The following SCN2A variants were observed in gnomAD, a reference collection of about 807,000 sequenced individuals.
SCN2A encodes the protein sodium voltage-gated channel alpha subunit 2.
A neutral mutation model predicts 188.7 loss-of-function variants in SCN2A; 20 were observed. That is an observed-to-expected ratio of 0.11 (90% CI 0.07 to 0.15). The LOEUF is 0.15. Ranked by LOEUF, SCN2A falls within the 10% of genes least tolerant of loss-of-function variation. The pLI, the probability that SCN2A is intolerant of heterozygous loss-of-function variation, is 1.00. For missense variants in SCN2A, 1,278 were observed against 2,445.0 expected (o/e 0.52, Z 10.07); for synonymous variants, 804 against 833.1 (o/e 0.97, Z 0.60).
At chr2:165,305,022 A>G (rs967901967) in intron 3 of SCN2A, among the ~76,000 whole-genome samples, 8 of 152,234 alleles carry the variant, frequency 5.3e-5, no homozygotes, top group African/African-American at 1.9e-4. Flanking sequence ...ATCTAGATGG[A>G]CTATTAGATT....
Position 165,303,566 on chromosome 2 carries a change from C to A in SCN2A, c.387-4282C>A, listed in dbSNP as rs868306827. ...CTGGGATTACAGGCGTGAGCCACCG[C>A]GCCTGGCCATATTTGAGTATTTTTA... On this transcript the variant is annotated intron_variant, in intron 3 of 26. Transcript: ENST00000375437. Among the ~76,000 whole-genome samples the A allele has an allele frequency of 2.0e-4, 31 of 152,152 alleles. 1 individual carries two copies. The highest frequency in any genetic ancestry group is 4.1e-4 in the South Asian group (2 of 4,820).
At chr2:165,288,086 G>A (rs577800795) in intron 1 of SCN2A, among the ~76,000 whole-genome samples, 1 of 152,106 alleles carries the variant, frequency 6.6e-6, no homozygotes, top group Non-Finnish European at 1.5e-5. Context: ...GCAGAAGTTT[G>A]CAAAATATGT....
intron 23 of SCN2A, among the ~76,000 whole-genome samples, chr2:165,378,976 C>T (rs1023306343): frequency 5.9e-5 from 9 of 151,422 alleles, no homozygotes; most frequent in Non-Finnish European, 1.3e-4. Flanking sequence ...GGATAAACAG[C>T]AATAAGAACA....
chr2:165,328,617 C>A (rs769830196), intron 13 of SCN2A: 1 of 542,018 alleles, frequency 1.8e-6, no homozygotes, highest in Non-Finnish European at 2.4e-6. Flanking sequence ...CTTAAAAAAC[C>A]TCAAATATCC....
Position 165,389,515 on chromosome 2 carries a change from A to T in SCN2A, c.5709A>T (p.Lys1903Asn). Reference sequence around the variant, plus strand: ...CCATTACGACCACGTTGAAACGCAAACAAGAGGAGGTGTCTGCTATTATTA... The same window carrying T: ...CCATTACGACCACGTTGAAACGCAATCAAGAGGAGGTGTCTGCTATTATTA... Reference protein sequence around the residue: ...YEPITTTLKRKQEEVSAIIIQ... With the variant: ...YEPITTTLKRNQEEVSAIIIQ... The change falls in exon 27 of 27, where the codon AAA (lysine) becomes AAT (asparagine). Residue 1903 changes from lysine (K) to asparagine (N), a missense_variant. Lys to Asn is a moderately conservative substitution (Grantham distance 94). This residue lies in a region of SCN2A where 109 missense variants were observed against 137.9 expected (regional missense o/e 0.79). Transcript: ENST00000375437. This position sits in a 1 kb window ranked among gnomAD's most constrained non-coding sequence, Gnocchi z 4.2. 6.2e-7 allele frequency: 1 copy of T among 1,613,950 alleles called. No homozygotes were observed.
intron 22 of SCN2A, among the ~76,000 whole-genome samples, chr2:165,375,368 AGTGTGTGTGT>A (rs3030660): frequency 0.14 from 20,778 of 149,766 alleles, 1,468 homozygotes; most frequent in Non-Finnish European, 0.15. Flanking sequence ...GATAAAGAAA[AGTGTGTGTGT>A]GTGTGTGTGT....
intron 13 of SCN2A, 61 bp downstream of exon 13, chr2:165,327,045 C>A: frequency 1.3e-6 from 2 of 1,578,856 alleles, no homozygotes; most frequent in South Asian, 1.1e-5. Flanking sequence ...AAAAACACTT[C>A]ATAAATTTCA....
chr2:165,374,543 C>G, intron 21 of SCN2A, 142 bp from the exon 22 acceptor site: 1 of 786,802 alleles, frequency 1.3e-6, no homozygotes, highest in South Asian at 1.6e-5. Context: ...TTAGTTGGAG[C>G]TACCAGAGTC....
intron 1 of SCN2A, among the ~76,000 whole-genome samples, chr2:165,244,634 A>T (rs985107192): frequency 2.0e-5 from 3 of 152,336 alleles, no homozygotes; most frequent in Non-Finnish European, 1.5e-5. Flanking sequence ...AGGGTAAAAA[A>T]CTATAATTTC....
chr2:165,338,457 T>C (rs1209991770), intron 14 of SCN2A, among the ~76,000 whole-genome samples: 10 of 152,114 alleles, frequency 6.6e-5, no homozygotes, highest in Non-Finnish European at 1.3e-4. Flanking sequence ...AGACGGGGTT[T>C]CATCGTGTTA....
At chr2:165,352,951 T>C (rs2105334708) in intron 16 of SCN2A, among the ~76,000 whole-genome samples, 1 of 152,242 alleles carries the variant, frequency 6.6e-6, no homozygotes, top group South Asian at 2.1e-4. Context: ...TATGTGTGCT[T>C]AAATAATCAG....
rs543645668 is a variant in SCN2A at position 165,361,652 on chromosome 2, C to T, written c.3400-3491C>T. Among the ~76,000 whole-genome samples, 108 of 152,114 alleles carry T rather than the reference C, an allele frequency of 7.1e-4. 2 individuals are homozygous for T. The South Asian group carries it at 0.021, about 29-fold the overall frequency. ...CAAGTGGAAAAGTATTCAAGTAACA[C>T]ATGTGACAGATCCTGTGCTGCTCCG... On this transcript the variant is annotated intron_variant, in intron 17 of 26. Transcript: ENST00000375437.
chr2:165,374,615 AT>A, intron 21 of SCN2A, 69 bp from the exon 22 acceptor site: 1 of 1,521,760 alleles, frequency 6.6e-7, no homozygotes, highest in South Asian at 1.1e-5. Context: ...TGTTCTTTTA[AT>A]AATGTTTAAA....
At chr2:165,298,152 C>G (rs1378201191) in intron 3 of SCN2A, among the ~76,000 whole-genome samples, 1 of 152,190 alleles carries the variant, frequency 6.6e-6, no homozygotes, top group African/African-American at 2.4e-5. Flanking sequence ...CAGATTAGGA[C>G]AGCATGTTAT....
At chr2:165,350,464 C>CTTTCTTTTTTTTTTT (rs1699830486) in intron 16 of SCN2A, among the ~76,000 whole-genome samples, 2 of 73,848 alleles carry the variant, frequency 2.7e-5, no homozygotes, top group Non-Finnish European at 5.0e-5. Flanking sequence ...TGTTTTCTTT[C>CTTTCTTTTTTTTTTT]TTTTTTTTTT....
intron 11 of SCN2A, among the ~76,000 whole-genome samples, chr2:165,316,694 G>A (rs1358371808): frequency 6.6e-6 from 1 of 152,172 alleles, no homozygotes; most frequent in Non-Finnish European, 1.5e-5. Context: ...ATTTTTATAT[G>A]TGAAGAGAAG....
At position 165,387,585 on chromosome 2, in the gene SCN2A, GA is replaced by G. The variant is rs369291495; in HGVS notation, c.4822+570del. ...CCAAAACAGATTTGTTATCATCAATGATACATTAATGTTAGGATACATACAT... is the reference window on the plus strand; with the variant it reads ...CCAAAACAGATTTGTTATCATCAATGTACATTAATGTTAGGATACATACAT... On this transcript the variant is annotated intron_variant, in intron 26 of 26. Coordinates refer to ENST00000375437, the MANE Select transcript of SCN2A (RefSeq NM_001040142.2). Among the ~76,000 whole-genome samples, 23 of 152,132 alleles carry G rather than the reference GA, an allele frequency of 1.5e-4. No homozygotes were observed. The East Asian group carries it at 3.7e-3, about 24-fold the overall frequency.
chr2:165,354,501 G>C lies in SCN2A; in HGVS notation c.3229G>C (p.Gly1077Arg), dbSNP rs1448915912. 1 of 1,614,056 alleles carries C rather than the reference G, an allele frequency of 6.2e-7. No homozygotes were observed. The highest frequency in any genetic ancestry group is 1.7e-5 in the Admixed American group (1 of 60,020). The change falls in exon 17 of 27, where the codon GGC becomes CGC. Residue 1077 changes from glycine (G) to arginine (R), a missense_variant. Physicochemically the swap from Gly to Arg is moderately radical, Grantham distance 125 (BLOSUM62 -2). Transcript: ENST00000375437. ...CAAAGACGGAAATGGAACTACTAGT[G>C]GCATAGGCAGCAGTGTAGAAAAATA... ...YLKDGNGTTSGIGSSVEKYVV... is the reference protein window; with the variant it reads ...YLKDGNGTTSRIGSSVEKYVV...
At chr2:165,294,277 T>A in intron 1 of SCN2A, 3 of 249,946 alleles carry the variant, frequency 1.2e-5, no homozygotes, top group South Asian at 1.5e-4. Context: ...TCTCTTCTAT[T>A]AGAGAATCCA....
Sources: gnomAD v4.1 joint callset for allele counts (sites outside exome capture counted in the v4.1 genomes callset) on GRCh38, gnomAD v4.1.1 for gene constraint, gnomAD v4.1.1 regional missense constraint, Gnocchi (gnomAD v3.1) non-coding constraint, MANE v1.5 for transcripts, NCBI Gene and HGNC (gene_info 2026-07-23, HGNC 2026-07-21) for gene names.